Variants in LRRC59 observed in about 807,000 individuals in gnomAD.
LRRC59 encodes leucine-rich repeat-containing protein 59.
In LRRC59, 18 loss-of-function variants were observed where a neutral mutation model predicts 33.5. The observed-to-expected ratio is 0.54, with a 90% CI of 0.37 to 0.80. The LOEUF (loss-of-function observed/expected upper bound fraction) is 0.80. Ranked by LOEUF, LRRC59 falls within the 30% of genes least tolerant of loss-of-function variation. The pLI, the probability that LRRC59 is intolerant of heterozygous loss-of-function variation, is 0.00. For synonymous variants in LRRC59, 138 were observed against 160.0 expected, an observed-to-expected ratio of 0.86 and a Z score of 1.04; for missense variants, 330 against 391.9, an observed-to-expected ratio of 0.84 and a Z score of 1.33.
In LRRC59 at chr17:50,382,774, G is replaced by GCCCCCCCCCCCCCCCCC; in HGVS notation, c.*213_*214insGGGGGGGGGGGGGGGGG. 1 of 190,912 alleles carries GCCCCCCCCCCCCCCCCC rather than the reference G, an allele frequency of 5.2e-6. No individual in the cohort carries two copies. Among genetic ancestry groups the GCCCCCCCCCCCCCCCCC allele is most frequent in the East Asian group, 1.0e-4 (1 of 10,006 alleles). The allele number at this position is 190,912 out of a possible 1,614,324, so 11.8% of individuals were successfully genotyped here. A position where few individuals can be genotyped will look rare whatever the true frequency, so the allele number is the denominator to read the frequency against. On this transcript the variant is annotated 3_prime_UTR_variant, in exon 7 of 7. Transcript: ENST00000225972. The stretch of plus-strand genomic sequence containing the variant: ...AGGCATGCAGGTAACTGCCCCCCAC[G>GCCCCCCCCCCCCCCCCC]CCCCCCCGCCACCTCCCATTTCTCC...
At chr17:50,394,023 G>A (rs1914213567) in intron 2 of LRRC59, among the ~76,000 whole-genome samples, 1 of 152,124 alleles carries the variant, frequency 6.6e-6, no homozygotes, top group Non-Finnish European at 1.5e-5. Context: ...AATACTTTCT[G>A]GAAGAAGTGA....
rs117994366 is a variant in LRRC59 at position 50,384,289 on chromosome 17, T to G, written c.676+829A>C. Among the ~76,000 whole-genome samples the G allele has an allele frequency of 8.0e-3, 1,217 of 152,180 alleles. 13 individuals are homozygous for G. The highest frequency in any genetic ancestry group is 0.041 in the Middle Eastern group (12 of 294). On this transcript the variant is annotated intron_variant, in intron 6 of 6. Coordinates refer to ENST00000225972, the MANE Select transcript of LRRC59 (RefSeq NM_018509.4). ...GATCCTCCTGCTTCAGCCTCCCAAG[T>G]AGCTGGGACCACAGGTGTGTGCCAC...
intron 5 of LRRC59, among the ~76,000 whole-genome samples, chr17:50,385,992 G>T (rs1444156993): frequency 2.6e-5 from 4 of 152,204 alleles, no homozygotes; most frequent in African/African-American, 9.6e-5. Context: ...AGGAAGTGGA[G>T]GTTGCAGTGA....
At chr17:50,385,991 A>G (rs1162683927) in intron 5 of LRRC59, among the ~76,000 whole-genome samples, 2 of 152,190 alleles carry the variant, frequency 1.3e-5, no homozygotes, top group African/African-American at 4.8e-5. Flanking sequence ...CAGGAAGTGG[A>G]GGTTGCAGTG....
In LRRC59 at chr17:50,397,478, C is replaced by G; in HGVS notation, c.-161G>C. 1 of 528,928 alleles carries G rather than the reference C, an allele frequency of 1.9e-6. No homozygotes were observed. The highest frequency in any genetic ancestry group is 3.3e-6 in the Non-Finnish European group (1 of 301,674). 32.8% of individuals were successfully genotyped at this position (528,928 alleles called of 1,614,324 possible). ...CTCCGCCCGCTGGCCGCACTCCGAG[C>G]CTCGCGCCTAGCTCCCACCGGTGCC... On this transcript the variant is annotated 5_prime_UTR_variant, in exon 1 of 7. Coordinates refer to ENST00000225972, the MANE Select transcript of LRRC59 (RefSeq NM_018509.4).
chr17:50,389,854 G>C (rs938989209), intron 4 of LRRC59, among the ~76,000 whole-genome samples: 1 of 152,124 alleles, frequency 6.6e-6, no homozygotes, highest in African/African-American at 2.4e-5. Flanking sequence ...CCCACACTTT[G>C]GGAGGCCAAG....
Position 50,382,896 on chromosome 17 carries a change from T to A in LRRC59, c.*92A>T. Reference sequence around the variant, plus strand: ...CAGCCATTTGATGATGGCAGGTAGGTCTGATGCTAAAAAGAGGTTGTGTCC... The same window carrying A: ...CAGCCATTTGATGATGGCAGGTAGGACTGATGCTAAAAAGAGGTTGTGTCC... On this transcript the variant is annotated 3_prime_UTR_variant, in exon 7 of 7. Coordinates refer to ENST00000225972, the MANE Select transcript of LRRC59 (RefSeq NM_018509.4). 6.7e-7 allele frequency: 1 copy of A among 1,493,428 alleles called. No homozygotes were observed. The highest frequency in any genetic ancestry group is 9.1e-7 in the Non-Finnish European group (1 of 1,104,444). 92.5% of individuals were successfully genotyped at this position (1,493,428 alleles called of 1,614,324 possible).
chr17:50,384,740 G>T (rs2143354012), intron 6 of LRRC59, among the ~76,000 whole-genome samples: 1 of 149,068 alleles, frequency 6.7e-6, no homozygotes, highest in South Asian at 2.1e-4. Context: ...ACTCCAGCCT[G>T]GGCAACAAGA....
chr17:50,393,510 A>G (rs1914199430), intron 2 of LRRC59, among the ~76,000 whole-genome samples: 1 of 152,374 alleles, frequency 6.6e-6, no homozygotes, highest in South Asian at 2.1e-4. Context: ...CACCTAGCAC[A>G]GTACTTAACA....
Position 50,392,391 on chromosome 17 carries a change from T to C in LRRC59, c.429+7A>G, listed in dbSNP as rs1180386379. 6.2e-7 allele frequency: 1 copy of C among 1,612,976 alleles called. No individual in the cohort carries two copies. Among genetic ancestry groups the C allele is most frequent in the East Asian group, 2.2e-5 (1 of 44,864 alleles). ...AAGGAGCCACTGGGAGGGAGCTTGGTGCTTACCTTGTTTGCACACTGCTTA... is the reference window on the plus strand; with the variant it reads ...AAGGAGCCACTGGGAGGGAGCTTGGCGCTTACCTTGTTTGCACACTGCTTA... On this transcript the variant is annotated splice_region_variant and intron_variant, in intron 4 of 6. Transcript: ENST00000225972.
chr17:50,392,342 G>A (rs1438214324), intron 4 of LRRC59, 56 bp downstream of exon 4: 13 of 1,423,474 alleles, frequency 9.1e-6, no homozygotes, highest in East Asian at 6.9e-5. Flanking sequence ...AAAACAGGAG[G>A]AGGAGAAATC....
Position 50,392,386 on chromosome 17 carries a change from C to G in LRRC59, c.429+12G>C. 1 of 1,611,712 alleles carries G rather than the reference C, an allele frequency of 6.2e-7. No homozygotes were observed. Among genetic ancestry groups the G allele is most frequent in the Non-Finnish European group, 8.5e-7 (1 of 1,178,112 alleles). On this transcript the variant is annotated intron_variant, in intron 4 of 6. Transcript: ENST00000225972. Reference sequence around the variant, plus strand: ...TGTATAAGGAGCCACTGGGAGGGAGCTTGGTGCTTACCTTGTTTGCACACT... The same window carrying G: ...TGTATAAGGAGCCACTGGGAGGGAGGTTGGTGCTTACCTTGTTTGCACACT...
At chr17:50,385,063 C>T (rs1913968548) in intron 6 of LRRC59, 55 bp downstream of exon 6, 15 of 1,578,068 alleles carry the variant, frequency 9.5e-6, no homozygotes, top group Non-Finnish European at 1.2e-5. Context: ...TGCCTGGAAA[C>T]ATGAGTGTCT....
chr17:50,394,853 C>G, intron 2 of LRRC59, 76 bp downstream of exon 2: 1 of 1,030,970 alleles, frequency 9.7e-7, no homozygotes, highest in Non-Finnish European at 1.5e-6. Context: ...CCCTCCCACC[C>G]CCCTCTCAAC....
intron 1 of LRRC59, chr17:50,396,142 G>C (rs1447498791): frequency 6.6e-6 from 1 of 152,170 alleles, no homozygotes; most frequent in Non-Finnish European, 1.5e-5. Context: ...CTGTCACAAA[G>C]TCGTAAAAGT....
Position 50,392,383 on chromosome 17 carries a change from G to A in LRRC59, c.429+15C>T. 1 of 1,609,448 alleles carries A rather than the reference G, an allele frequency of 6.2e-7. No individual in the cohort carries two copies. The highest frequency in any genetic ancestry group is 8.5e-7 in the Non-Finnish European group (1 of 1,176,050). On this transcript the variant is annotated intron_variant, in intron 4 of 6. Coordinates refer to ENST00000225972, the MANE Select transcript of LRRC59 (RefSeq NM_018509.4). ...GAGTGTATAAGGAGCCACTGGGAGG[G>A]AGCTTGGTGCTTACCTTGTTTGCAC...
chr17:50,394,885 C>A, intron 2 of LRRC59, 44 bp downstream of exon 2: 2 of 1,347,498 alleles, frequency 1.5e-6, no homozygotes, highest in African/African-American at 1.5e-5. Flanking sequence ...GAAGGAGATG[C>A]ATCCAAGGCA....
intron 1 of LRRC59, chr17:50,396,309 T>C (rs1419988225): frequency 6.6e-6 from 1 of 152,236 alleles, no homozygotes; most frequent in African/African-American, 2.4e-5. Context: ...CACCATTGTA[T>C]AGATGAGGAG....
intron 5 of LRRC59, chr17:50,386,315 T>G (rs942626460): frequency 6.6e-6 from 1 of 152,192 alleles, no homozygotes; most frequent in Non-Finnish European, 1.5e-5. Flanking sequence ...CAGGAACACA[T>G]TCAGATTTAC....
Sources: allele counts gnomAD v4.1 joint callset (sites outside exome capture counted in the v4.1 genomes callset), GRCh38; gene constraint gnomAD v4.1.1; transcripts MANE v1.5; gene names NCBI Gene and HGNC (gene_info 2026-07-23, HGNC 2026-07-21).